PPP3CA: variants seen among roughly 807,000 people sequenced by gnomAD.
PPP3CA encodes the protein protein phosphatase 3 catalytic subunit alpha, also known as CAM-PRP catalytic subunit.
In PPP3CA, 14 loss-of-function variants were observed where a neutral mutation model predicts 66.5. The ratio of observed to expected loss-of-function variants is 0.21; its 90% CI spans 0.14 to 0.33. The LOEUF (loss-of-function observed/expected upper bound fraction) is 0.33, where lower values mean the gene tolerates loss of function less well. PPP3CA is among the 10% of genes least tolerant of loss of function. The pLI, the probability that PPP3CA is intolerant of heterozygous loss-of-function variation, is 1.00. For synonymous variants in PPP3CA, 232 were observed against 226.2 expected (o/e 1.03, Z -0.23); for missense variants, 317 against 639.5 (o/e 0.50, Z 5.44).
At chr4:101,036,300 T>C (rs1727244753) in intron 11 of PPP3CA, among the ~76,000 whole-genome samples, 1 of 152,226 alleles carries the variant, frequency 6.6e-6, no homozygotes, top group South Asian at 2.1e-4. Flanking sequence ...TTCTGAAGAA[T>C]TCTTTATTTT....
At chr4:101,094,169 C>G (rs112903627) in intron 5 of PPP3CA, among the ~76,000 whole-genome samples, 1 of 151,954 alleles carries the variant, frequency 6.6e-6, no homozygotes, top group Admixed American at 6.6e-5. Context: ...AACCCTTTAC[C>G]TTCCTCTTGC....
intron 2 of PPP3CA, among the ~76,000 whole-genome samples, chr4:101,141,743 T>A (rs1280461384): frequency 6.6e-6 from 1 of 152,192 alleles, no homozygotes; most frequent in Non-Finnish European, 1.5e-5. Flanking sequence ...TTCTTTAAAT[T>A]TACCAGTTTC....
chr4:101,249,427 C>T (rs546840266), intron 1 of PPP3CA, among the ~76,000 whole-genome samples: 1 of 151,924 alleles, frequency 6.6e-6, no homozygotes, highest in Admixed American at 6.6e-5. Flanking sequence ...CAATAAATTA[C>T]CTTGGAACAA....
At chr4:101,088,454 G>C (rs1729768018) in intron 6 of PPP3CA, among the ~76,000 whole-genome samples, 2 of 151,646 alleles carry the variant, frequency 1.3e-5, no homozygotes, top group South Asian at 4.2e-4. Context: ...GTGTGGTGGT[G>C]GGCGCCTGTA....
intron 1 of PPP3CA, among the ~76,000 whole-genome samples, chr4:101,332,388 G>C (rs1729416411): frequency 6.6e-6 from 1 of 152,180 alleles, no homozygotes; most frequent in Admixed American, 6.5e-5. Context: ...AGTCAAAAAA[G>C]AAGAAATTCA....
intron 10 of PPP3CA, among the ~76,000 whole-genome samples, chr4:101,058,244 G>C (rs933149364): frequency 1.3e-5 from 2 of 152,122 alleles, no homozygotes; most frequent in African/African-American, 4.8e-5. Context: ...TAATTAGCCT[G>C]TGTGTAAATT....
At chr4:101,087,980 T>C (rs1195762486) in intron 6 of PPP3CA, among the ~76,000 whole-genome samples, 1 of 152,136 alleles carries the variant, frequency 6.6e-6, no homozygotes. Flanking sequence ...GCAAAAATCT[T>C]CCCCAATGAC....
chr4:101,089,435 T>G (rs953490413), intron 6 of PPP3CA, among the ~76,000 whole-genome samples: 1 of 152,298 alleles, frequency 6.6e-6, no homozygotes, highest in African/African-American at 2.4e-5. Flanking sequence ...AAGGGACCAG[T>G]AGTGATTTGA....
chr4:101,025,642 C>T lies in PPP3CA; in HGVS notation c.*223G>A. Reference sequence around the variant, plus strand: ...TCTATAAGCATTTTTAAAAGGCATACCCAAAAGAGGTGTTTAATCACCATC... The same window carrying T: ...TCTATAAGCATTTTTAAAAGGCATATCCAAAAGAGGTGTTTAATCACCATC... On this transcript the variant is annotated 3_prime_UTR_variant, in exon 14 of 14. Transcript: ENST00000394854. 1 of 420,952 alleles carries T rather than the reference C, an allele frequency of 2.4e-6. No homozygotes were observed. Among genetic ancestry groups the T allele is most frequent in the Non-Finnish European group, 4.2e-6 (1 of 239,990 alleles). 26.1% of individuals were successfully genotyped at this position (420,952 alleles called of 1,614,324 possible). A position where few individuals can be genotyped will look rare whatever the true frequency, so the allele number is the denominator to read the frequency against.
intron 5 of PPP3CA, among the ~76,000 whole-genome samples, chr4:101,094,172 C>T (rs997006979): frequency 6.6e-6 from 1 of 152,134 alleles, no homozygotes; most frequent in Non-Finnish European, 1.5e-5. Flanking sequence ...CCTTTACCTT[C>T]CTCTTGCCTC....
At chr4:101,041,277 TA>T (rs1244875122) in intron 10 of PPP3CA, among the ~76,000 whole-genome samples, 1 of 152,038 alleles carries the variant, frequency 6.6e-6, no homozygotes, top group Non-Finnish European at 1.5e-5. Flanking sequence ...TTTTCTAAAT[TA>T]AAAAAATTAA....
intron 1 of PPP3CA, among the ~76,000 whole-genome samples, chr4:101,204,419 G>A (rs1303529608): frequency 2.0e-5 from 3 of 152,082 alleles, no homozygotes; most frequent in Admixed American, 6.5e-5. Context: ...GGCGGATCAC[G>A]AGGTCAGGAG....
At chr4:101,062,449 C>T (rs921212303) in intron 9 of PPP3CA, among the ~76,000 whole-genome samples, 4 of 151,888 alleles carry the variant, frequency 2.6e-5, no homozygotes, top group Admixed American at 1.3e-4. Context: ...TACTCTGATA[C>T]TTATAGGAAC....
intron 1 of PPP3CA, among the ~76,000 whole-genome samples, chr4:101,287,623 C>A (rs1727885826): frequency 6.6e-6 from 1 of 152,110 alleles, no homozygotes; most frequent in East Asian, 1.9e-4. Flanking sequence ...GCTTAAAGGA[C>A]CCACCATCAT....
chr4:101,263,210 T>C (rs986859841), intron 1 of PPP3CA, among the ~76,000 whole-genome samples: 5 of 152,216 alleles, frequency 3.3e-5, no homozygotes, highest in African/African-American at 4.8e-5. Flanking sequence ...TGTGGGAATA[T>C]GTCATCTTTG....
At chr4:101,185,955 T>A (rs536279113) in intron 2 of PPP3CA, among the ~76,000 whole-genome samples, 1 of 152,318 alleles carries the variant, frequency 6.6e-6, no homozygotes, top group East Asian at 1.9e-4. Context: ...AGTTCATTCA[T>A]TGCTTAAAAC....
At chr4:101,109,573 A>G (rs574271137) in intron 2 of PPP3CA, among the ~76,000 whole-genome samples, 2 of 150,296 alleles carry the variant, frequency 1.3e-5, no homozygotes, top group African/African-American at 4.9e-5. Context: ...AGAAATGTAG[A>G]TATGTATCAT....
intron 1 of PPP3CA, among the ~76,000 whole-genome samples, chr4:101,216,840 C>G (rs1725473196): frequency 6.6e-6 from 1 of 152,128 alleles, no homozygotes; most frequent in Admixed American, 6.6e-5. Context: ...CGTGAGCCAC[C>G]ATACCTGGCC....
chr4:101,274,436 AAATTAACAAATCTTC>A (rs1324106348), intron 1 of PPP3CA, among the ~76,000 whole-genome samples: 2 of 152,218 alleles, frequency 1.3e-5, no homozygotes, highest in African/African-American at 4.8e-5. Context: ...ACAACATCCA[AAATTAACAAATCTTC>A]AATTATTTTA....
Sources: gnomAD v4.1 joint callset for allele counts (sites outside exome capture counted in the v4.1 genomes callset) on GRCh38, gnomAD v4.1.1 for gene constraint, MANE v1.5 for transcripts, NCBI Gene and HGNC (gene_info 2026-07-23, HGNC 2026-07-21) for gene names.